The following A1CF variants were observed in gnomAD, a reference collection of about 807,000 sequenced individuals.
A1CF encodes the protein APOBEC1 complementation factor, also known as APOBEC-1 stimulating protein.
In A1CF, 48 loss-of-function variants were observed where a neutral mutation model predicts 68.9. The observed-to-expected ratio is 0.70, with a 90% confidence interval of 0.55 to 0.89. A1CF has a LOEUF of 0.89. Ranked by LOEUF, A1CF falls within the 40% of genes least tolerant of loss-of-function variation. The pLI is 0.00. For missense variants in A1CF, 653 were observed against 718.9 expected, an observed-to-expected ratio of 0.91 and a Z score of 1.05; for synonymous variants, 272 against 260.4, an observed-to-expected ratio of 1.04 and a Z score of -0.43.
At chr10:50,835,564 T>C (rs1839448327) in intron 6 of A1CF, among the ~76,000 whole-genome samples, 1 of 152,170 alleles carries the variant, frequency 6.6e-6, no homozygotes, top group Non-Finnish European at 1.5e-5. Flanking sequence ...TTGTAATAAC[T>C]AACAAATAAA....
intron 1 of A1CF, among the ~76,000 whole-genome samples, chr10:50,883,815 C>T (rs140394904): frequency 4.6e-5 from 7 of 152,332 alleles, no homozygotes; most frequent in African/African-American, 1.7e-4. Context: ...TGCTTGGGCT[C>T]TGGATCAGAC....
chr10:50,874,555 G>T (rs564371578), intron 1 of A1CF, among the ~76,000 whole-genome samples: 1 of 152,152 alleles, frequency 6.6e-6, no homozygotes, highest in Non-Finnish European at 1.5e-5. Context: ...AATAGTACGA[G>T]ATTTAACTGC....
At chr10:50,806,994 T>G in intron 12 of A1CF, 114 bp from the exon 13 acceptor site, 1 of 1,072,638 alleles carries the variant, frequency 9.3e-7, no homozygotes, top group Non-Finnish European at 1.3e-6. Context: ...AAGCTAAAAG[T>G]TAATATATAT....
At chr10:50,872,541 C>G (rs1383871992) in intron 1 of A1CF, among the ~76,000 whole-genome samples, 1 of 152,104 alleles carries the variant, frequency 6.6e-6, no homozygotes, top group African/African-American at 2.4e-5. Context: ...GAAATTATAT[C>G]TACCCTGCCT....
chr10:50,871,588 G>A (rs1042665310), intron 1 of A1CF, among the ~76,000 whole-genome samples: 2 of 151,962 alleles, frequency 1.3e-5, no homozygotes, highest in African/African-American at 2.4e-5. Context: ...CTAATTAACA[G>A]TTTAGATTAA....
intron 7 of A1CF, among the ~76,000 whole-genome samples, chr10:50,826,463 T>C (rs1838940835): frequency 6.6e-6 from 1 of 151,876 alleles, no homozygotes; most frequent in African/African-American, 2.4e-5. Flanking sequence ...CAGGAGAGAG[T>C]GGGGGCCAAT....
chr10:50,820,650 C>A lies in A1CF; in HGVS notation c.770-1G>T. 1 of 1,611,500 alleles carries A rather than the reference C, an allele frequency of 6.2e-7. No homozygotes were observed. Among genetic ancestry groups the A allele is most frequent in the South Asian group, 1.1e-5 (1 of 90,686 alleles). Reference sequence around the variant, plus strand: ...ATTTTCTTCACCCTCTCCACAGCACCTGTAAAATAGAGTGAAGGTTGCCCC... The same window carrying A: ...ATTTTCTTCACCCTCTCCACAGCACATGTAAAATAGAGTGAAGGTTGCCCC... On this transcript the variant is annotated splice_acceptor_variant, in intron 7 of 12. Coordinates refer to ENST00000373997, the MANE Select transcript of A1CF (RefSeq NM_014576.4). LOFTEE classifies it high-confidence loss of function.
chr10:50,810,620 G>A lies in A1CF; in HGVS notation c.1460+420C>T, dbSNP rs570901025. Among the ~76,000 whole-genome samples the A allele has an allele frequency of 1.8e-4, 27 of 152,188 alleles. No homozygotes were observed. The East Asian group carries it at 2.9e-3, about 16-fold the overall frequency. The stretch of plus-strand genomic sequence containing the variant: ...CTGCTGAGTAACTATGACTACAGGC[G>A]CCTGCTGAGTAACTATGACTACAGG... On this transcript the variant is annotated intron_variant, in intron 11 of 12. Transcript: ENST00000373997.
chr10:50,868,588 G>A (rs750230344), intron 1 of A1CF, among the ~76,000 whole-genome samples: 1 of 151,984 alleles, frequency 6.6e-6, no homozygotes, highest in Non-Finnish European at 1.5e-5. Flanking sequence ...TGTTTTTCAG[G>A]CATTAGCAAA....
intron 7 of A1CF, among the ~76,000 whole-genome samples, chr10:50,825,325 C>T (rs1838867838): frequency 6.6e-6 from 1 of 152,118 alleles, no homozygotes; most frequent in Non-Finnish European, 1.5e-5. Flanking sequence ...TAAGCCACTA[C>T]TGCCCAGAGT....
At chr10:50,847,003 A>G (rs1322176129) in intron 3 of A1CF, among the ~76,000 whole-genome samples, 3 of 152,148 alleles carry the variant, frequency 2.0e-5, no homozygotes, top group African/African-American at 7.2e-5. Context: ...ATAGCTGTCC[A>G]TTACTCAGAA....
At chr10:50,859,558 C>T (rs1341833690) in intron 3 of A1CF, among the ~76,000 whole-genome samples, 1 of 152,168 alleles carries the variant, frequency 6.6e-6, no homozygotes, top group Non-Finnish European at 1.5e-5. Context: ...TACTTCATAG[C>T]CTTGGGTGGC....
At chr10:50,819,546 G>A (rs1377199301) in intron 8 of A1CF, among the ~76,000 whole-genome samples, 2 of 152,014 alleles carry the variant, frequency 1.3e-5, no homozygotes, top group Non-Finnish European at 2.9e-5. Flanking sequence ...ACTCTTTTTT[G>A]ATTTCCCTAG....
intron 2 of A1CF, among the ~76,000 whole-genome samples, chr10:50,860,302 A>T (rs1840684367): frequency 6.6e-6 from 1 of 152,230 alleles, no homozygotes; most frequent in Non-Finnish European, 1.5e-5. Context: ...GCTCACATCT[A>T]TTAAAAGAAT....
chr10:50,816,903 G>A (rs1413449730), intron 8 of A1CF, among the ~76,000 whole-genome samples: 1 of 152,166 alleles, frequency 6.6e-6, no homozygotes, highest in Non-Finnish European at 1.5e-5. Context: ...CCTGCCACAG[G>A]TTCTTCCTTG....
chr10:50,840,276 A>ATTT (rs202161491), intron 5 of A1CF, among the ~76,000 whole-genome samples: 46 of 147,680 alleles, frequency 3.1e-4, no homozygotes, highest in East Asian at 5.9e-4. Flanking sequence ...CTAAAATACA[A>ATTT]TTTTTTTTTT....
intron 6 of A1CF, among the ~76,000 whole-genome samples, chr10:50,833,223 G>C (rs780619592): frequency 1.3e-5 from 2 of 152,158 alleles, no homozygotes; most frequent in Non-Finnish European, 2.9e-5. Flanking sequence ...GTTTTCAAAT[G>C]TGCAGTCCTG....
chr10:50,807,471 T>C (rs1031857438), intron 12 of A1CF, among the ~76,000 whole-genome samples: 1 of 152,220 alleles, frequency 6.6e-6, no homozygotes, highest in Non-Finnish European at 1.5e-5. Context: ...CATATTTACA[T>C]GTAACTATGA....
At chr10:50,859,682 T>C (rs1018536349) in intron 3 of A1CF, among the ~76,000 whole-genome samples, 160 bp downstream of exon 3, 1 of 152,226 alleles carries the variant, frequency 6.6e-6, no homozygotes, top group African/African-American at 2.4e-5. Flanking sequence ...CAGTGTCATC[T>C]ACAAAACAGA....
Sources: gnomAD v4.1 joint callset for allele counts (sites outside exome capture counted in the v4.1 genomes callset) on GRCh38, gnomAD v4.1.1 for gene constraint, MANE v1.5 for transcripts, NCBI Gene and HGNC (gene_info 2026-07-23, HGNC 2026-07-21) for gene names.